The following SLC24A4 variants were observed in gnomAD, a reference collection of about 807,000 sequenced individuals.
SLC24A4 encodes the protein sodium/potassium/calcium exchanger 4.
In SLC24A4, 53 loss-of-function variants were observed where a neutral mutation model predicts 79.0. The observed-to-expected ratio is 0.67, with a 90% confidence interval of 0.54 to 0.84. The LOEUF (loss-of-function observed/expected upper bound fraction) is 0.84. SLC24A4 is among the 40% of genes least tolerant of loss of function. SLC24A4 has a pLI of 0.00. For missense variants in SLC24A4, 731 were observed against 822.0 expected, an observed-to-expected ratio of 0.89 and a Z score of 1.35; for synonymous variants, 323 against 323.8, an observed-to-expected ratio of 1.00 and a Z score of 0.03.
intron 10 of SLC24A4, chr14:92,451,698 G>A (rs1183761116): frequency 2.0e-5 from 3 of 152,252 alleles, no homozygotes; most frequent in African/African-American, 7.2e-5. Context: ...CTGATAAAAG[G>A]CGTTTGAGTA....
intron 2 of SLC24A4, among the ~76,000 whole-genome samples, chr14:92,340,194 C>A (rs1042540037): frequency 6.6e-6 from 1 of 152,222 alleles, no homozygotes; most frequent in East Asian, 1.9e-4. Flanking sequence ...AAAGTATGCA[C>A]CCAGCAGGCA....
intron 2 of SLC24A4, among the ~76,000 whole-genome samples, chr14:92,406,121 A>G (rs1338744723): frequency 6.6e-6 from 1 of 152,258 alleles, no homozygotes; most frequent in Non-Finnish European, 1.5e-5. Flanking sequence ...GACTCCATGC[A>G]TGTCCAAAAC....
chr14:92,340,323 T>A (rs1044137646), intron 2 of SLC24A4, among the ~76,000 whole-genome samples: 1 of 152,216 alleles, frequency 6.6e-6, no homozygotes, highest in Non-Finnish European at 1.5e-5. Flanking sequence ...GCATGTGACC[T>A]GGGGTGACAC....
chr14:92,456,652 G>C, intron 12 of SLC24A4, 44 bp downstream of exon 12: 1 of 1,586,630 alleles, frequency 6.3e-7, no homozygotes, highest in Non-Finnish European at 8.6e-7. Flanking sequence ...ATTTTTGGGG[G>C]CTCCATTAGG....
At chr14:92,369,670 G>A (rs151225209) in intron 2 of SLC24A4, among the ~76,000 whole-genome samples, 8 of 152,342 alleles carry the variant, frequency 5.3e-5, no homozygotes, top group Non-Finnish European at 1.0e-4. Flanking sequence ...TACAAGCACA[G>A]TTTCTTGACT....
chr14:92,447,509 A>G, intron 9 of SLC24A4, 85 bp downstream of exon 9: 2 of 1,301,190 alleles, frequency 1.5e-6, no homozygotes, highest in Non-Finnish European at 1.1e-6. Context: ...GGAGAAAAAC[A>G]TCTGTCAGAT....
At chr14:92,376,296 TGAATG>T (rs1474665361) in intron 2 of SLC24A4, among the ~76,000 whole-genome samples, 2 of 152,322 alleles carry the variant, frequency 1.3e-5, no homozygotes, top group East Asian at 1.9e-4. Context: ...AGGTCAGCCA[TGAATG>T]GATTCAGGCT....
chr14:92,410,388 C>T (rs1051285102), intron 2 of SLC24A4, among the ~76,000 whole-genome samples: 1 of 152,116 alleles, frequency 6.6e-6, no homozygotes, highest in Non-Finnish European at 1.5e-5. Context: ...TTATGTTGCC[C>T]AGGTTGGTCT....
At chr14:92,333,593 T>C (rs1885603571) in intron 2 of SLC24A4, among the ~76,000 whole-genome samples, 1 of 152,158 alleles carries the variant, frequency 6.6e-6, no homozygotes, top group East Asian at 1.9e-4. Flanking sequence ...AAATACATCT[T>C]CTGAGATGCC....
At chr14:92,484,191 A>C (rs1895234235) in intron 13 of SLC24A4, 1 of 984,926 alleles carries the variant, frequency 1.0e-6, no homozygotes, top group Non-Finnish European at 1.2e-6. Flanking sequence ...TCTCTCCCAG[A>C]GCATTACTGG....
At chr14:92,372,867 C>CCCTCCCTT (rs1555363099) in intron 2 of SLC24A4, among the ~76,000 whole-genome samples, 1 of 109,898 alleles carries the variant, frequency 9.1e-6, no homozygotes, top group Non-Finnish European at 1.9e-5. Context: ...GGGTCACTGT[C>CCCTCCCTT]CCTTCCTTCC....
chr14:92,445,613 G>T (rs1003692664), intron 8 of SLC24A4, among the ~76,000 whole-genome samples: 1 of 152,162 alleles, frequency 6.6e-6, no homozygotes, highest in African/African-American at 2.4e-5. Flanking sequence ...TTTTGCAAAG[G>T]GATATGCATA....
At chr14:92,466,336 A>C (rs1894116128) in intron 12 of SLC24A4, among the ~76,000 whole-genome samples, 2 of 152,216 alleles carry the variant, frequency 1.3e-5, no homozygotes, top group African/African-American at 4.8e-5. Context: ...TTTCAGTCTC[A>C]CAGTAGCACA....
rs371510688 is a variant in SLC24A4 at position 92,430,375 on chromosome 14, C to T, written c.242-3537C>T. Among the ~76,000 whole-genome samples, 4 of 152,210 alleles carry T rather than the reference C, an allele frequency of 2.6e-5. No homozygotes were observed. In the East Asian group the frequency reaches 5.8e-4, roughly 22 times the overall value. On this transcript the variant is annotated intron_variant, in intron 2 of 16. Transcript: ENST00000532405. ...CTGAACGGGCAGCACTAATTCAGAG[C>T]GTCACCGTGGAGCTTTTTGTGTGTA... is the stretch of plus-strand genomic sequence containing the variant.
At chr14:92,348,864 T>C (rs1886697717) in intron 2 of SLC24A4, among the ~76,000 whole-genome samples, 1 of 152,186 alleles carries the variant, frequency 6.6e-6, no homozygotes, top group Non-Finnish European at 1.5e-5. Context: ...CTCATACATG[T>C]TGGAGCATTG....
intron 2 of SLC24A4, among the ~76,000 whole-genome samples, chr14:92,372,281 C>T (rs565583049): frequency 1.3e-5 from 2 of 152,186 alleles, no homozygotes; most frequent in Admixed American, 6.5e-5. Context: ...CAGACAGACT[C>T]ATCTTCCACG....
intron 2 of SLC24A4, among the ~76,000 whole-genome samples, chr14:92,427,899 C>G (rs146696535): frequency 7.2e-5 from 11 of 152,104 alleles, no homozygotes; most frequent in Non-Finnish European, 1.6e-4. Flanking sequence ...GGCTTAGCGC[C>G]CTTATAAAAG....
chr14:92,333,408 T>A (rs1385395933), intron 2 of SLC24A4, among the ~76,000 whole-genome samples: 1 of 152,184 alleles, frequency 6.6e-6, no homozygotes. Context: ...CTTCTGAGAT[T>A]GAATGTTTTT....
intron 2 of SLC24A4, among the ~76,000 whole-genome samples, chr14:92,430,969 A>G (rs147850625): frequency 2.6e-4 from 40 of 152,334 alleles, no homozygotes; most frequent in Admixed American, 9.1e-4. Context: ...CCGCCCTTGA[A>G]CATGGCCCAG....
Sources: gnomAD v4.1 joint callset for allele counts (sites outside exome capture counted in the v4.1 genomes callset) on GRCh38, gnomAD v4.1.1 for gene constraint, MANE v1.5 for transcripts, NCBI Gene and HGNC (gene_info 2026-07-23, HGNC 2026-07-21) for gene names.